The following BLTP2 variants were observed in gnomAD, a reference collection of about 807,000 sequenced individuals.
BLTP2 encodes the protein bridge-like lipid transfer protein family member 2, also known as U937-associated antigen.
chr17:28,634,328 TTA>T, the BLTP2 span, among the ~76,000 whole-genome samples: 1 of 152,048 alleles, frequency 6.6e-6, no homozygotes, highest in Non-Finnish European at 1.5e-5. Context: ...AGCTTTCCCT[TTA>T]TGTTAGCCAA....
At chr17:28,618,708 T>G in the BLTP2 span, 1 of 1,092,280 alleles carries the variant, frequency 9.2e-7, no homozygotes, top group Admixed American at 2.3e-5. Flanking sequence ...CCCCCTTTTA[T>G]TTCTCTTTTA....
At chr17:28,631,437 CTAATA>C in the BLTP2 span, 1 of 1,560,766 alleles carries the variant, frequency 6.4e-7, no homozygotes, top group Non-Finnish European at 8.8e-7. Flanking sequence ...GAGATACCTA[CTAATA>C]TAAATAAGGT....
chr17:28,633,962 C>T, the BLTP2 span: 5 of 1,614,006 alleles, frequency 3.1e-6, no homozygotes, highest in Non-Finnish European at 4.2e-6. Context: ...CCCACGGAAG[C>T]CCCAAGTGCA....
chr17:28,618,958 A>C, the BLTP2 span: 2 of 1,613,726 alleles, frequency 1.2e-6, no homozygotes, highest in Non-Finnish European at 1.7e-6. Flanking sequence ...TGCAGTTGGA[A>C]ATCCTTAAAA....
chr17:28,623,866 G>T, the BLTP2 span: 21 of 1,614,206 alleles, frequency 1.3e-5, no homozygotes, highest in Admixed American at 2.0e-4. Context: ...TTGCTTCAAT[G>T]TATCACCATA....
chr17:28,621,305 A>G, the BLTP2 span: 2 of 1,415,722 alleles, frequency 1.4e-6, no homozygotes, highest in South Asian at 1.2e-5. Context: ...CTACTCCAGC[A>G]TACACTGACG....
chr17:28,628,348 C>T, the BLTP2 span: 14 of 1,614,058 alleles, frequency 8.7e-6, no homozygotes, highest in Middle Eastern at 1.6e-4. Context: ...TGGGACACCC[C>T]GCTTTGGCTT....
At chr17:28,624,902 T>C in the BLTP2 span, among the ~76,000 whole-genome samples, 1 of 152,188 alleles carries the variant, frequency 6.6e-6, no homozygotes, top group Admixed American at 6.5e-5. Context: ...TCTTAATGGG[T>C]TTGTCTAACA....
chr17:28,615,570 T>C, the BLTP2 span: 1 of 1,489,986 alleles, frequency 6.7e-7, no homozygotes, highest in Non-Finnish European at 9.1e-7. Context: ...TTCCCAAGGA[T>C]ATTTATTCAT....
the BLTP2 span, among the ~76,000 whole-genome samples, chr17:28,623,411 G>A: frequency 6.6e-6 from 1 of 152,168 alleles, no homozygotes; most frequent in South Asian, 2.1e-4. Flanking sequence ...GACAGAGAAA[G>A]GGCAGATAGT....
chr17:28,641,597 C>T, the BLTP2 span, among the ~76,000 whole-genome samples: 14 of 151,442 alleles, frequency 9.2e-5, no homozygotes, highest in African/African-American at 2.7e-4. Context: ...GCCGAGATCA[C>T]GCCATTGCAC....
At chr17:28,628,208 A>G in the BLTP2 span, 1 of 1,460,038 alleles carries the variant, frequency 6.8e-7, no homozygotes. Flanking sequence ...ACTCCTGTCC[A>G]AGCCCATATC....
At chr17:28,644,109 A>G in the BLTP2 span, 1 of 1,614,266 alleles carries the variant, frequency 6.2e-7, no homozygotes, top group African/African-American at 1.3e-5. Context: ...GGATCCAAAA[A>G]AAGCGGAAGG....
At chr17:28,622,143 G>T in the BLTP2 span, among the ~76,000 whole-genome samples, 19 of 152,280 alleles carry the variant, frequency 1.2e-4, no homozygotes, top group Middle Eastern at 3.4e-3. Context: ...CCTAAAAGCA[G>T]CAGAGGTGCA....
chr17:28,635,624 A>C, the BLTP2 span: 1 of 1,596,018 alleles, frequency 6.3e-7, no homozygotes, highest in African/African-American at 1.3e-5. Flanking sequence ...AGGGAGCAGA[A>C]GAAAAGGATC....
the BLTP2 span, chr17:28,639,935 A>T: frequency 2.9e-5 from 46 of 1,613,934 alleles, 1 homozygote; most frequent in South Asian, 4.8e-4. Flanking sequence ...TCTGTGCCAT[A>T]TCAGAGTTTG....
chr17:28,615,052 C>T, the BLTP2 span: 11 of 1,609,344 alleles, frequency 6.8e-6, no homozygotes, highest in African/African-American at 1.3e-4. Context: ...TGCAGCCACT[C>T]GAATCGCCAA....
the BLTP2 span, among the ~76,000 whole-genome samples, chr17:28,622,781 A>G: frequency 2.6e-5 from 4 of 152,212 alleles, no homozygotes; most frequent in Admixed American, 6.5e-5. Context: ...ACCATCTAAC[A>G]AAAACATTAT....
At chr17:28,625,925 C>G in the BLTP2 span, among the ~76,000 whole-genome samples, 2 of 152,092 alleles carry the variant, frequency 1.3e-5, no homozygotes, top group Non-Finnish European at 2.9e-5. Context: ...CCACCATGCC[C>G]AGCTAATTTT....
Sources: allele counts gnomAD v4.1 joint callset (sites outside exome capture counted in the v4.1 genomes callset), GRCh38; gene constraint gnomAD v4.1.1; transcripts MANE v1.5; gene names NCBI Gene and HGNC (gene_info 2026-07-23, HGNC 2026-07-21).